RECK: variants seen among roughly 807,000 people sequenced by gnomAD.
RECK encodes reversion-inducing cysteine-rich protein with Kazal motifs.
RECK carries 69 observed loss-of-function variants against 115.1 expected under a neutral mutation model. The ratio of observed to expected loss-of-function variants is 0.60; its 90% CI spans 0.49 to 0.73. The LOEUF is 0.73. RECK is among the 30% of genes least tolerant of loss of function. RECK has a pLI of 0.00. For missense variants in RECK, 1,047 were observed against 1,203.7 expected (o/e 0.87, Z 1.93); for synonymous variants, 414 against 419.7 (o/e 0.99, Z 0.17).
intron 1 of RECK, among the ~76,000 whole-genome samples, chr9:36,041,313 T>C (rs973145411): frequency 6.6e-6 from 1 of 152,158 alleles, no homozygotes; most frequent in Non-Finnish European, 1.5e-5. Flanking sequence ...AACAAGACTA[T>C]AAGTGGAGTA....
At chr9:36,088,140 T>C (rs1588314437) in intron 9 of RECK, among the ~76,000 whole-genome samples, 179 bp downstream of exon 9, 1 of 152,312 alleles carries the variant, frequency 6.6e-6, no homozygotes. Flanking sequence ...TACAAAACAT[T>C]GTTCTGTATA....
intron 16 of RECK, 110 bp downstream of exon 16, chr9:36,112,586 C>A: frequency 8.5e-7 from 1 of 1,176,152 alleles, no homozygotes; most frequent in South Asian, 1.5e-5. Context: ...TCGCTGCTGC[C>A]CTGAAGAGTT....
At chr9:36,048,173 G>A (rs1471731145) in intron 1 of RECK, among the ~76,000 whole-genome samples, 2 of 119,446 alleles carry the variant, frequency 1.7e-5, no homozygotes, top group South Asian at 2.9e-4. Flanking sequence ...AAAAACAGGT[G>A]TTTTAAACCA....
At chr9:36,064,205 G>A (rs1223260235) in intron 5 of RECK, among the ~76,000 whole-genome samples, 1 of 152,186 alleles carries the variant, frequency 6.6e-6, no homozygotes, top group African/African-American at 2.4e-5. Context: ...GTAAATGTAG[G>A]CTATGCTTGG....
At chr9:36,068,660 G>C (rs184530167) in intron 6 of RECK, among the ~76,000 whole-genome samples, 1 of 152,308 alleles carries the variant, frequency 6.6e-6, no homozygotes, top group East Asian at 1.9e-4. Flanking sequence ...CAGAAGTCAG[G>C]AGACAAATCC....
At chr9:36,042,514 A>G (rs1439598345) in intron 1 of RECK, among the ~76,000 whole-genome samples, 2 of 151,588 alleles carry the variant, frequency 1.3e-5, no homozygotes, top group African/African-American at 4.9e-5. Flanking sequence ...GGCTGATTCC[A>G]TATTTTTGCA....
In RECK at chr9:36,122,926, C is replaced by A. The variant is rs149268263; in HGVS notation, c.2797C>A (p.Gln933Lys). 1.2e-6 allele frequency: 2 copies of A among 1,614,072 alleles called. No individual in the cohort carries two copies. The highest frequency in any genetic ancestry group is 2.7e-5 in the African/African-American group (2 of 74,926). The change falls in exon 21 of 21, where the codon CAG (glutamine) becomes AAG (lysine). Residue 933 changes from glutamine (Q) to lysine (K), a missense_variant. By Grantham distance (53) the Gln-to-Lys change is moderately conservative. Transcript: ENST00000377966. ...HVPLSALIIS[Q>K]VQVSSSVPSA... ...CCCTCTCTCTGCCCTCATCATTTCC[C>A]AGGTACAGGTCTCCAGCAGTGTGCC...
intron 6 of RECK, among the ~76,000 whole-genome samples, chr9:36,071,525 G>A (rs544692292): frequency 2.5e-4 from 38 of 152,222 alleles, no homozygotes; most frequent in Admixed American, 8.5e-4. Context: ...GCCATCATAC[G>A]TTTTATATTT....
At chr9:36,057,780 C>G (rs1031263974) in intron 2 of RECK, among the ~76,000 whole-genome samples, 1 of 152,104 alleles carries the variant, frequency 6.6e-6, no homozygotes, top group African/African-American at 2.4e-5. Context: ...GAGATCACAC[C>G]ACTACACCCC....
chr9:36,048,107 C>T (rs940550592), intron 1 of RECK, among the ~76,000 whole-genome samples: 8 of 136,802 alleles, frequency 5.8e-5, no homozygotes, highest in Middle Eastern at 3.6e-3. Flanking sequence ...TGCATACACA[C>T]GCACAGACAC....
chr9:36,103,870 T>C (rs1823656173), intron 12 of RECK, among the ~76,000 whole-genome samples: 3 of 152,172 alleles, frequency 2.0e-5, no homozygotes, highest in African/African-American at 7.2e-5. Context: ...CCCTTATACC[T>C]CTGTTAGTCT....
intron 9 of RECK, among the ~76,000 whole-genome samples, chr9:36,088,849 C>G (rs1376590307): frequency 6.6e-6 from 1 of 152,166 alleles, no homozygotes; most frequent in Non-Finnish European, 1.5e-5. Context: ...GAAACCCTGT[C>G]TCTACTAAAA....
At chr9:36,080,698 C>G in intron 7 of RECK, 60 bp downstream of exon 7, 1 of 1,455,020 alleles carries the variant, frequency 6.9e-7, no homozygotes. Context: ...CCATCTGAAG[C>G]AATGTGCACA....
At chr9:36,043,847 C>G (rs1471553525) in intron 1 of RECK, among the ~76,000 whole-genome samples, 1 of 152,070 alleles carries the variant, frequency 6.6e-6, no homozygotes, top group East Asian at 1.9e-4. Flanking sequence ...TGCTTTATTT[C>G]TGGGTTCTCT....
At chr9:36,040,091 A>T (rs569163881) in intron 1 of RECK, among the ~76,000 whole-genome samples, 1 of 152,372 alleles carries the variant, frequency 6.6e-6, no homozygotes, top group East Asian at 1.9e-4. Flanking sequence ...TTTATCCAAA[A>T]AATACTATAT....
chr9:36,088,928 G>T (rs1156448022), intron 9 of RECK, among the ~76,000 whole-genome samples: 1 of 152,208 alleles, frequency 6.6e-6, no homozygotes, highest in Non-Finnish European at 1.5e-5. Context: ...GGCTGAGGCA[G>T]AAGAATCACT....
intron 12 of RECK, among the ~76,000 whole-genome samples, chr9:36,102,930 T>C (rs1352763038): frequency 2.0e-5 from 3 of 149,268 alleles, no homozygotes; most frequent in Non-Finnish European, 4.4e-5. Flanking sequence ...TACTCCAGGC[T>C]GGGCAACAGA....
chr9:36,045,064 A>G (rs557846118), intron 1 of RECK, among the ~76,000 whole-genome samples: 2 of 152,350 alleles, frequency 1.3e-5, no homozygotes, highest in African/African-American at 4.8e-5. Context: ...GTAACTTGCA[A>G]ATGATTCGGG....
chr9:36,056,997 G>A (rs1181814087), intron 2 of RECK: 11 of 985,082 alleles, frequency 1.1e-5, no homozygotes, highest in Non-Finnish European at 1.1e-5. Context: ...GGATTTTACC[G>A]TCTCAGCTAT....
Sources: gnomAD v4.1 joint callset for allele counts (sites outside exome capture counted in the v4.1 genomes callset) on GRCh38, gnomAD v4.1.1 for gene constraint, MANE v1.5 for transcripts, NCBI Gene and HGNC (gene_info 2026-07-23, HGNC 2026-07-21) for gene names.